The following KLHL13 variants were observed in gnomAD, a reference collection of about 807,000 sequenced individuals.
The protein encoded by KLHL13 is kelch-like protein 13.
A neutral mutation model predicts 37.1 loss-of-function variants in KLHL13; 10 were observed. The ratio of observed to expected loss-of-function variants is 0.27; its 90% CI spans 0.17 to 0.46. KLHL13 has a LOEUF of 0.46. KLHL13 is among the 20% of genes least tolerant of loss of function. KLHL13 has a pLI of 1.00. For synonymous variants in KLHL13, 163 were observed against 181.2 expected (o/e 0.90, Z 0.81); for missense variants, 360 against 509.3 (o/e 0.71, Z 2.82).
At chrX:117,922,512 T>C (rs190686751) in intron 2 of KLHL13, among the ~76,000 whole-genome samples, 1 of 112,107 alleles carries the variant, frequency 8.9e-6, no homozygotes, top group East Asian at 2.8e-4. Flanking sequence ...TTTAAAGCCA[T>C]GTAGTCACAT....
Position 118,057,616 on chromosome X carries a change from C to A in KLHL13, c.-56+58892G>T, listed in dbSNP as rs35648159. On this transcript the variant is annotated intron_variant, in intron 1 of 6. Transcript: ENST00000371882. ...TGGGTGGATCACGAGGTCAGAAGAT[C>A]GAGACCATCCTGGCTAACACAGTGA... 7.0e-3 allele frequency among the ~76,000 whole-genome samples: 782 copies of A among 111,129 alleles called. 11 individuals are homozygous for A. Among genetic ancestry groups the A allele is most frequent in the African/African-American group, 0.024 (740 of 30,538 alleles).
intron 1 of KLHL13, among the ~76,000 whole-genome samples, chrX:118,095,160 G>C (rs1388063917): frequency 4.5e-5 from 5 of 111,050 alleles, no homozygotes; most frequent in Non-Finnish European, 9.4e-5. Flanking sequence ...CACATACAGA[G>C]ACACACATAG....
chrX:117,898,672 CAT>C, exon 7 of KLHL13: 3 of 343,639 alleles, frequency 8.7e-6, no homozygotes, highest in Non-Finnish European at 1.5e-5. Flanking sequence ...CTTTTTTTTT[CAT>C]ATGTTAAACA....
chrX:117,994,530 G>A (rs1166550161), intron 1 of KLHL13, among the ~76,000 whole-genome samples: 1 of 111,569 alleles, frequency 9.0e-6, no homozygotes, highest in East Asian at 2.8e-4. Context: ...GGGATTACAG[G>A]CATGAGCCAC....
At chrX:118,027,702 T>C (rs998462177) in intron 1 of KLHL13, among the ~76,000 whole-genome samples, 2 of 109,925 alleles carry the variant, frequency 1.8e-5, no homozygotes, top group Non-Finnish European at 3.8e-5. Flanking sequence ...TTCACACTTA[T>C]TTAATCTTCA....
intron 1 of KLHL13, among the ~76,000 whole-genome samples, chrX:118,058,293 T>TC (rs1171591402): frequency 5.5e-5 from 6 of 109,636 alleles, no homozygotes; most frequent in South Asian, 3.9e-4. Context: ...CTTCCCCTAC[T>TC]CCCCCCCTCA....
chrX:118,053,383 T>G (rs922835267), intron 1 of KLHL13, among the ~76,000 whole-genome samples: 1 of 111,300 alleles, frequency 9.0e-6, no homozygotes, highest in African/African-American at 3.3e-5. Context: ...AGCAAACTAT[T>G]GCAAGGACAA....
At chrX:117,898,831 A>G in exon 7 of KLHL13, 1 of 1,028,814 alleles carries the variant, frequency 9.7e-7, no homozygotes, top group Non-Finnish European at 1.3e-6. Context: ...CATATATACT[A>G]CTTAAGGGGG....
chrX:118,059,094 C>A (rs2054714712), intron 1 of KLHL13, among the ~76,000 whole-genome samples: 1 of 111,521 alleles, frequency 9.0e-6, no homozygotes, highest in South Asian at 3.7e-4. Context: ...GTTCAAGGAA[C>A]ATAAGAAGAG....
intron 1 of KLHL13, among the ~76,000 whole-genome samples, chrX:118,113,122 A>T (rs1412685980): frequency 8.9e-6 from 1 of 112,043 alleles, no homozygotes; most frequent in Non-Finnish European, 1.9e-5. Flanking sequence ...ACAATGTGAC[A>T]GTGGAAAGTA....
intron 1 of KLHL13, among the ~76,000 whole-genome samples, chrX:117,993,180 A>G (rs2053813776): frequency 8.9e-6 from 1 of 112,022 alleles, no homozygotes; most frequent in African/African-American, 3.2e-5. Context: ...TCAGGCAGTC[A>G]AGTGAGACAG....
chrX:117,976,885 A>C (rs1179189747), upstream of KLHL13, among the ~76,000 whole-genome samples: 2 of 112,314 alleles, frequency 1.8e-5, no homozygotes, highest in East Asian at 5.5e-4. Context: ...TAAAAGGAGA[A>C]GATTTGTTGA....
chrX:118,098,396 A>G (rs1192229764), intron 1 of KLHL13, among the ~76,000 whole-genome samples: 1 of 111,383 alleles, frequency 9.0e-6, no homozygotes, highest in African/African-American at 3.3e-5. Context: ...CACCAGTTAG[A>G]ATGGCAATCA....
intron 1 of KLHL13, among the ~76,000 whole-genome samples, chrX:118,043,969 A>G (rs1427397881): frequency 8.9e-6 from 1 of 112,160 alleles, no homozygotes; most frequent in African/African-American, 3.2e-5. Context: ...ACTGCAGATA[A>G]CATGATCTTA....
At chrX:117,985,948 C>A (rs1480296448) in intron 1 of KLHL13, among the ~76,000 whole-genome samples, 2 of 110,670 alleles carry the variant, frequency 1.8e-5, no homozygotes, top group East Asian at 2.8e-4. Context: ...CCATCTAGAT[C>A]GCTTTTTAAA....
chrX:117,937,533 G>T (rs1426796163), intron 2 of KLHL13, among the ~76,000 whole-genome samples: 1 of 111,407 alleles, frequency 9.0e-6, no homozygotes, highest in African/African-American at 3.3e-5. Flanking sequence ...CAGAGGTTAT[G>T]CAGAAAAATA....
chrX:118,018,893 C>A (rs868468366), intron 1 of KLHL13, among the ~76,000 whole-genome samples: 35 of 111,171 alleles, frequency 3.1e-4, no homozygotes, highest in African/African-American at 1.1e-3. Context: ...TAAGACTTAG[C>A]TTTTATAGAT....
chrX:118,068,763 C>T (rs2054821786), intron 1 of KLHL13, among the ~76,000 whole-genome samples: 1 of 110,976 alleles, frequency 9.0e-6, no homozygotes, highest in Admixed American at 9.6e-5. Context: ...AGGATGAGTA[C>T]GAGTAGTCAC....
At chrX:118,068,443 G>A (rs572666113) in intron 1 of KLHL13, among the ~76,000 whole-genome samples, 2 of 111,511 alleles carry the variant, frequency 1.8e-5, no homozygotes, top group Non-Finnish European at 1.9e-5. Context: ...CATAAAGAAC[G>A]GAAGGAAATA....
Sources: gnomAD v4.1 joint callset for allele counts (sites outside exome capture counted in the v4.1 genomes callset) on GRCh38, gnomAD v4.1.1 for gene constraint, MANE v1.5 for transcripts, NCBI Gene and HGNC (gene_info 2026-07-23, HGNC 2026-07-21) for gene names.